The following SDK1 variants were observed in gnomAD, a reference collection of about 807,000 sequenced individuals.
SDK1 encodes the protein protein sidekick-1.
SDK1 carries 157 observed loss-of-function variants against 245.5 expected under a neutral mutation model. The observed-to-expected ratio is 0.64, with a 90% CI of 0.56 to 0.73. The LOEUF (loss-of-function observed/expected upper bound fraction) is 0.73, where lower values mean the gene tolerates loss of function less well. Among genes scored for constraint, SDK1 ranks in the 30% least tolerant of loss-of-function variants. The pLI, the probability that SDK1 is intolerant of heterozygous loss-of-function variation, is 0.00. For synonymous variants in SDK1, 1,647 were observed against 1,278.5 expected (o/e 1.29, Z -6.15); for missense variants, 3,583 against 3,002.3 (o/e 1.19, Z -4.52).
chr7:3,971,451 T>A lies in SDK1; in HGVS notation c.1715-15T>A. The stretch of plus-strand genomic sequence containing the variant: ...CTTGTCATTTCGTCTGACTCGTGAC[T>A]TGTGTTTTTTTCAGATCGGACGTCC... On this transcript the variant is annotated splice_polypyrimidine_tract_variant and intron_variant, in intron 11 of 44. Coordinates refer to ENST00000404826, the MANE Select transcript of SDK1 (RefSeq NM_152744.4). 2 of 1,586,848 alleles carry A rather than the reference T, an allele frequency of 1.3e-6. No individual in the cohort carries two copies. The highest frequency in any genetic ancestry group is 1.7e-6 in the Non-Finnish European group (2 of 1,157,034).
At chr7:4,155,590 CAA>C (rs1213241994) in intron 30 of SDK1, among the ~76,000 whole-genome samples, 1 of 152,216 alleles carries the variant, frequency 6.6e-6, no homozygotes, top group Non-Finnish European at 1.5e-5. Context: ...AGTGAGAAAA[CAA>C]ATACATCAAT....
chr7:4,098,346 T>C (rs1182680467), intron 22 of SDK1, among the ~76,000 whole-genome samples: 1 of 152,238 alleles, frequency 6.6e-6, no homozygotes, highest in Non-Finnish European at 1.5e-5. Flanking sequence ...AATTAAATTT[T>C]ATGAGACTCA....
At chr7:3,761,765 T>G (rs1024709763) in intron 4 of SDK1, among the ~76,000 whole-genome samples, 1 of 152,030 alleles carries the variant, frequency 6.6e-6, no homozygotes, top group Non-Finnish European at 1.5e-5. Flanking sequence ...TATGAAATCA[T>G]GCAGGACAGG....
chr7:4,072,247 G>A (rs1780299560), intron 20 of SDK1, among the ~76,000 whole-genome samples: 1 of 152,230 alleles, frequency 6.6e-6, no homozygotes, highest in Non-Finnish European at 1.5e-5. Context: ...TGCCTGTGCT[G>A]TCAGGGGCAG....
chr7:3,481,190 T>C (rs891472891), intron 1 of SDK1, among the ~76,000 whole-genome samples: 5 of 152,238 alleles, frequency 3.3e-5, no homozygotes, highest in Admixed American at 1.3e-4. Context: ...AGTTGTTTTT[T>C]GGGCAATAAT....
intron 5 of SDK1, among the ~76,000 whole-genome samples, chr7:3,888,899 T>C (rs1037026093): frequency 5.9e-5 from 9 of 152,244 alleles, no homozygotes; most frequent in Non-Finnish European, 7.3e-5. Flanking sequence ...AGTTAATCTA[T>C]GTGTCTAAAA....
At chr7:4,132,285 A>G (rs771441285) in intron 27 of SDK1, 40 bp from the exon 28 acceptor site, 4 of 1,512,442 alleles carry the variant, frequency 2.6e-6, no homozygotes, top group Non-Finnish European at 2.7e-6. Flanking sequence ...CCCAAGGAAC[A>G]CTGTCTTGAG....
At chr7:3,963,421 T>C (rs577196012) in intron 9 of SDK1, among the ~76,000 whole-genome samples, 1 of 76,760 alleles carries the variant, frequency 1.3e-5, no homozygotes, top group South Asian at 5.1e-4. Context: ...CATGGCTACC[T>C]GGATGTAACC....
intron 17 of SDK1, among the ~76,000 whole-genome samples, chr7:4,029,346 G>A (rs1378074720): frequency 2.6e-5 from 4 of 151,396 alleles, no homozygotes; most frequent in African/African-American, 7.3e-5. Context: ...GAGTAGCTGG[G>A]ATTATGGGCA....
At chr7:3,972,074 G>T (rs1260067996) in intron 12 of SDK1, among the ~76,000 whole-genome samples, 3 of 130,922 alleles carry the variant, frequency 2.3e-5, no homozygotes, top group Non-Finnish European at 4.7e-5. Context: ...AGATGTGAGG[G>T]TTCTCTTTTT....
intron 2 of SDK1, among the ~76,000 whole-genome samples, chr7:3,625,456 G>T (rs932867801): frequency 2.0e-5 from 3 of 152,130 alleles, no homozygotes; most frequent in African/African-American, 7.2e-5. Context: ...ACAAAGCTTG[G>T]CTCTCCTTCT....
At chr7:3,448,936 G>C (rs923440491) in intron 1 of SDK1, among the ~76,000 whole-genome samples, 3 of 152,054 alleles carry the variant, frequency 2.0e-5, no homozygotes, top group African/African-American at 2.4e-5. Flanking sequence ...TTATTCCTGC[G>C]AACAAATTCA....
chr7:3,607,573 A>G (rs1781461534), intron 1 of SDK1, among the ~76,000 whole-genome samples: 1 of 152,232 alleles, frequency 6.6e-6, no homozygotes, highest in South Asian at 2.1e-4. Flanking sequence ...CAAATAATCA[A>G]ACCAATATCT....
intron 1 of SDK1, among the ~76,000 whole-genome samples, chr7:3,459,771 A>G (rs1780778921): frequency 6.6e-6 from 1 of 152,170 alleles, no homozygotes; most frequent in Non-Finnish European, 1.5e-5. Context: ...ACCAGTTGTG[A>G]TCCATGTCCT....
intron 1 of SDK1, among the ~76,000 whole-genome samples, chr7:3,568,392 T>C (rs1225004067): frequency 6.6e-6 from 1 of 152,208 alleles, no homozygotes; most frequent in Non-Finnish European, 1.5e-5. Flanking sequence ...TAGTAATCAC[T>C]GTTCTTCTTT....
chr7:3,770,385 T>C (rs1021722521), intron 4 of SDK1, among the ~76,000 whole-genome samples: 1 of 152,196 alleles, frequency 6.6e-6, no homozygotes, highest in African/African-American at 2.4e-5. Flanking sequence ...CCTGGGATAT[T>C]TACAGTTTTG....
At chr7:3,651,857 C>G (rs1054267561) in intron 4 of SDK1, among the ~76,000 whole-genome samples, 1 of 152,280 alleles carries the variant, frequency 6.6e-6, no homozygotes, top group Non-Finnish European at 1.5e-5. Context: ...GGAATGATGT[C>G]TTCGAACGCC....
intron 1 of SDK1, among the ~76,000 whole-genome samples, chr7:3,328,345 C>G (rs544168897): frequency 6.6e-6 from 1 of 151,994 alleles, no homozygotes; most frequent in East Asian, 1.9e-4. Flanking sequence ...TGAGCTCTTA[C>G]AATTTGCTTT....
chr7:3,719,780 C>T (rs563602616), intron 4 of SDK1, among the ~76,000 whole-genome samples: 116 of 151,874 alleles, frequency 7.6e-4, no homozygotes, highest in Non-Finnish European at 1.4e-3. Context: ...AGATTGAGAC[C>T]ATCCTGGCCA....
Sources: allele counts gnomAD v4.1 joint callset (sites outside exome capture counted in the v4.1 genomes callset), GRCh38; gene constraint gnomAD v4.1.1; transcripts MANE v1.5; gene names NCBI Gene and HGNC (gene_info 2026-07-23, HGNC 2026-07-21).